Variants in PRKCB observed in about 807,000 individuals in gnomAD.
PRKCB encodes the protein protein kinase C beta type.
In PRKCB, 13 loss-of-function variants were observed where a neutral mutation model predicts 81.5. The ratio of observed to expected loss-of-function variants is 0.16; its 90% CI spans 0.10 to 0.25. The LOEUF is 0.25. Ranked by LOEUF, PRKCB falls within the 10% of genes least tolerant of loss-of-function variation. PRKCB has a pLI of 1.00. For missense variants in PRKCB, 509 were observed against 875.7 expected (o/e 0.58, Z 5.29); for synonymous variants, 335 against 321.4 (o/e 1.04, Z -0.45).
intron 9 of PRKCB, among the ~76,000 whole-genome samples, chr16:24,149,411 A>G (rs189908812): frequency 1.3e-5 from 2 of 152,244 alleles, no homozygotes; most frequent in African/African-American, 4.8e-5. Context: ...CTTGATTAGA[A>G]TATTAAGAAG....
intron 10 of PRKCB, among the ~76,000 whole-genome samples, chr16:24,156,463 C>T (rs567997140): frequency 2.0e-5 from 3 of 152,134 alleles, no homozygotes; most frequent in Admixed American, 6.5e-5. Flanking sequence ...TTAGTAGAGA[C>T]CGGGTTTCAC....
intron 5 of PRKCB, among the ~76,000 whole-genome samples, chr16:24,091,425 T>C (rs1444100264): frequency 6.6e-6 from 1 of 152,220 alleles, no homozygotes; most frequent in Non-Finnish European, 1.5e-5. Context: ...TGATTGACAT[T>C]GTATCCTTAA....
chr16:24,146,973 C>T (rs1031451249), intron 9 of PRKCB, among the ~76,000 whole-genome samples: 5 of 152,112 alleles, frequency 3.3e-5, no homozygotes, highest in African/African-American at 1.2e-4. Flanking sequence ...CCAGCCAGGG[C>T]AATGGCTACT....
intron 9 of PRKCB, among the ~76,000 whole-genome samples, chr16:24,143,843 T>G (rs1449025768): frequency 6.6e-6 from 1 of 152,214 alleles, no homozygotes; most frequent in African/African-American, 2.4e-5. Context: ...AATCACTGTT[T>G]GTTAGTCAAG....
intron 2 of PRKCB, among the ~76,000 whole-genome samples, chr16:23,981,434 A>G (rs1359599906): frequency 6.6e-6 from 1 of 151,310 alleles, no homozygotes; most frequent in Non-Finnish European, 1.5e-5. Flanking sequence ...TGCAAAATCA[A>G]TTTTGTCATG....
At chr16:24,083,634 T>C (rs1966277087) in intron 5 of PRKCB, among the ~76,000 whole-genome samples, 3 of 152,162 alleles carry the variant, frequency 2.0e-5, no homozygotes, top group Non-Finnish European at 4.4e-5. Context: ...AAGATAAAAC[T>C]GTAGTGATGA....
intron 5 of PRKCB, among the ~76,000 whole-genome samples, chr16:24,049,045 C>CTTT (rs1462670006): frequency 6.1e-5 from 5 of 82,510 alleles, no homozygotes; most frequent in Non-Finnish European, 9.2e-5. Flanking sequence ...TCAAATTGGC[C>CTTT]TGTTTTTTTT....
chr16:23,969,116 G>T (rs1262656506), intron 2 of PRKCB, among the ~76,000 whole-genome samples: 2 of 152,184 alleles, frequency 1.3e-5, no homozygotes, highest in Non-Finnish European at 2.9e-5. Flanking sequence ...GTTGCAGTGA[G>T]CTGAGATCGC....
intron 2 of PRKCB, among the ~76,000 whole-genome samples, chr16:23,852,458 A>T (rs1962489907): frequency 6.6e-6 from 1 of 152,186 alleles, no homozygotes; most frequent in Non-Finnish European, 1.5e-5. Flanking sequence ...CATCCCAGGG[A>T]GAAATCCCAC....
At position 23,911,141 on chromosome 16, in the gene PRKCB, T is replaced by TTTTTTTTTTTTTG. The variant is rs1963647353; in HGVS notation, c.205+73736_205+73748dup. 1.7e-5 allele frequency among the ~76,000 whole-genome samples: 2 copies of TTTTTTTTTTTTTG among 116,636 alleles called. 1 individual carries two copies. Among genetic ancestry groups the TTTTTTTTTTTTTG allele is most frequent in the African/African-American group, 6.5e-5 (2 of 30,818 alleles). The allele number at this position is 116,636 out of a possible 152,430, so 76.5% of individuals were successfully genotyped here. A position where few individuals can be genotyped will look rare whatever the true frequency, so the allele number is the denominator to read the frequency against. ...AACGTATATATGCTTTTTTTTTTTT[T>TTTTTTTTTTTTTG]TTTTTTTTTTTTGAGACAAGGTCAC... On this transcript the variant is annotated intron_variant, in intron 2 of 16. Transcript: ENST00000643927.
At chr16:23,896,883 A>ACCATCCATCCAT (rs55662090) in intron 2 of PRKCB, among the ~76,000 whole-genome samples, 42 of 149,260 alleles carry the variant, frequency 2.8e-4, no homozygotes, top group African/African-American at 8.9e-4. Context: ...CATCCATCCA[A>ACCATCCATCCAT]CCATCCATCC....
At chr16:24,007,537 T>C (rs1965142185) in intron 3 of PRKCB, among the ~76,000 whole-genome samples, 1 of 152,136 alleles carries the variant, frequency 6.6e-6, no homozygotes, top group Admixed American at 6.5e-5. Context: ...CTTGTAAAGG[T>C]CAGAATGAAT....
chr16:24,184,904 T>C (rs958982138), intron 13 of PRKCB, among the ~76,000 whole-genome samples: 1 of 152,236 alleles, frequency 6.6e-6, no homozygotes. Flanking sequence ...TACACCTTAC[T>C]TAGTGCTTCG....
Position 24,070,891 on chromosome 16 carries a change from T to G in PRKCB, c.530-21900T>G, listed in dbSNP as rs146519317. 2.1e-3 allele frequency among the ~76,000 whole-genome samples: 321 copies of G among 152,304 alleles called. 7 individuals carry two copies. Among genetic ancestry groups the G allele is most frequent in the Non-Finnish European group, 1.2e-3 (83 of 68,020 alleles). On this transcript the variant is annotated intron_variant, in intron 5 of 16. Coordinates refer to ENST00000643927, the MANE Select transcript of PRKCB (RefSeq NM_002738.7). ...AAGTACATATCTCTCTAAAGTATAC[T>G]GTGTCACTGAAGATAAGAAAGGAAG... is the stretch of plus-strand genomic sequence containing the variant.
At chr16:24,021,227 TTTCTTTCC>T (rs1373412522) in intron 3 of PRKCB, among the ~76,000 whole-genome samples, 2,576 of 23,258 alleles carry the variant, frequency 0.11, 150 homozygotes, top group Middle Eastern at 0.18. Flanking sequence ...TCTTTCTTTC[TTTCTTTCC>T]TTCCTTCCTT....
Position 24,219,518 on chromosome 16 carries a change from A to C in PRKCB, c.*4702A>C. The C allele has an allele frequency of 1.0e-6, 1 of 988,234 alleles. No individual in the cohort carries two copies. The highest frequency in any genetic ancestry group is 1.2e-6 in the Non-Finnish European group (1 of 831,884). 61.2% of individuals were successfully genotyped at this position (988,234 alleles called of 1,614,324 possible). A position where few individuals can be genotyped will look rare whatever the true frequency, so the allele number is the denominator to read the frequency against. The stretch of plus-strand genomic sequence containing the variant: ...GGCAGCAGTTCACCTTTTCAGAGAA[A>C]GAGGTCTTCTAGCCACCTGGGCTGC... On this transcript the variant is annotated 3_prime_UTR_variant, in exon 17 of 17. Transcript: ENST00000643927.
chr16:23,842,160 G>A (rs541254806), intron 2 of PRKCB, among the ~76,000 whole-genome samples: 5 of 152,218 alleles, frequency 3.3e-5, no homozygotes, highest in African/African-American at 9.6e-5. Context: ...TCTTAGCAAT[G>A]AGTTGGAGTC....
At chr16:23,946,048 A>C (rs1964200932) in intron 2 of PRKCB, among the ~76,000 whole-genome samples, 2 of 152,218 alleles carry the variant, frequency 1.3e-5, no homozygotes, top group Admixed American at 6.5e-5. Flanking sequence ...GCAACTCTGA[A>C]ACCTAAGATT....
chr16:23,845,489 T>C (rs1161614891), intron 2 of PRKCB, among the ~76,000 whole-genome samples: 1 of 152,086 alleles, frequency 6.6e-6, no homozygotes, highest in Non-Finnish European at 1.5e-5. Flanking sequence ...CTGGATAATA[T>C]ATGCAACAGG....
Sources: allele counts gnomAD v4.1 joint callset (sites outside exome capture counted in the v4.1 genomes callset), GRCh38; gene constraint gnomAD v4.1.1; transcripts MANE v1.5; gene names NCBI Gene and HGNC (gene_info 2026-07-23, HGNC 2026-07-21).